The following CAPN15 variants were observed in gnomAD, a reference collection of about 807,000 sequenced individuals.
CAPN15 encodes calpain 15.
Under a neutral mutation model 97.9 loss-of-function variants are expected in CAPN15, and 53 were observed. The ratio of observed to expected loss-of-function variants is 0.54; its 90% confidence interval spans 0.43 to 0.68. CAPN15 has a LOEUF of 0.68. Among genes scored for constraint, CAPN15 ranks in the 30% least tolerant of loss-of-function variants. The probability of loss-of-function intolerance (pLI) is 0.00; values close to 1 mark genes in which losing one functional copy is unlikely to be tolerated. For missense variants in CAPN15, 1,592 were observed against 1,589.8 expected (o/e 1.00, Z -0.02); for synonymous variants, 922 against 722.5 (o/e 1.28, Z -4.43).
chr16:551,381 C>A lies in CAPN15; in HGVS notation c.2146C>A (p.Arg716=). 6.2e-7 allele frequency: 1 copy of A among 1,610,540 alleles called. No homozygotes were observed. The highest frequency in any genetic ancestry group is 8.5e-7 in the Non-Finnish European group (1 of 1,178,878). ...CTACGAGAGCCTGGGCCTGCGCCCC[C>A]GGCATGCCTACTCCATCCTGGATGT... ...SAYESLGLRP[R]HAYSILDVRD... Residue 716 remains arginine (R), a synonymous_variant, in exon 8 of 14, where the codon CGG becomes AGG. Transcript: ENST00000219611.
At position 547,823 on chromosome 16, in the gene CAPN15, G is replaced by A. The variant is rs1230274628; in HGVS notation, c.985G>A (p.Val329Met). The change falls in exon 4 of 14, where the codon GTG becomes ATG. Residue 329 changes from valine (V) to methionine (M), a missense_variant. Transcript: ENST00000219611. ...CATCATTGACCTGGCCGGAGACACC[G>A]TGCGTTACACGCCCGCCAGCCCCTC... ...SDIIDLAGDT[V>M]RYTPASPSSP... The A allele has an allele frequency of 1.9e-6, 3 of 1,611,252 alleles. No homozygotes were observed. Among genetic ancestry groups the A allele is most frequent in the African/African-American group, 2.7e-5 (2 of 74,900 alleles).
In CAPN15 at chr16:553,872, G is replaced by C. The variant is rs556472699; in HGVS notation, c.*356G>C. 2.7e-5 allele frequency: 6 copies of C among 222,790 alleles called. No individual in the cohort carries two copies. The South Asian group carries it at 6.0e-4, about 22-fold the overall frequency. The allele number at this position is 222,790 out of a possible 1,614,324, so 13.8% of individuals were successfully genotyped here. On this transcript the variant is annotated 3_prime_UTR_variant, in exon 14 of 14. Coordinates refer to ENST00000219611, the MANE Select transcript of CAPN15 (RefSeq NM_005632.3). ...GGCTAGGCAGCCAGGAGCTCTGTCC[G>C]CAAAACCAAATCTGGGTGTCAGAGG...
intron 3 of CAPN15, chr16:540,397 G>T (rs186585224): frequency 1.6e-5 from 16 of 978,122 alleles, no homozygotes; most frequent in African/African-American, 3.5e-5. Context: ...GGGTGGCCCC[G>T]GAGGGCTCCC....
intron 7 of CAPN15, among the ~76,000 whole-genome samples, chr16:550,793 G>GC (rs1280755495): frequency 1.7e-4 from 8 of 45,946 alleles, no homozygotes; most frequent in South Asian, 6.6e-4. Flanking sequence ...GTCGGTGAGG[G>GC]TCCCGGTCGG....
intron 3 of CAPN15, chr16:537,084 A>C: frequency 1.0e-6 from 1 of 962,360 alleles, no homozygotes; most frequent in Non-Finnish European, 1.2e-6. Context: ...AGGGCTTAAC[A>C]GAGCCAGCTG....
intron 9 of CAPN15, 62 bp from the exon 10 acceptor site, chr16:551,989 C>T (rs1024628265): frequency 7.0e-5 from 105 of 1,502,882 alleles, no homozygotes; most frequent in East Asian, 2.0e-4. Context: ...TTGCGGTAGG[C>T]GCTGAGCCAC....
Position 553,416 on chromosome 16 carries a change from C to T in CAPN15, c.3161C>T (p.Ala1054Val), listed in dbSNP as rs1374379390. ...ACCCACCGCCTGGCACATCGCAAGG[C>T]AGCCCAGGCCTTCCTCAGTGACTGG... The part of the protein sequence containing the change: ...SITHRLAHRK[A>V]AQAFLSDWTA... The change falls in exon 14 of 14, where the codon GCA becomes GTA. Residue 1054 changes from alanine to valine, a missense_variant. Physicochemically the swap from Ala to Val is moderately conservative, Grantham distance 64. Transcript: ENST00000219611. 1.2e-6 allele frequency: 2 copies of T among 1,610,994 alleles called. No homozygotes were observed. Among genetic ancestry groups the T allele is most frequent in the African/African-American group, 1.3e-5 (1 of 74,464 alleles).
In CAPN15 at chr16:549,108, A is replaced by G. The variant is rs781089173; in HGVS notation, c.1565A>G (p.Asn522Ser). The G allele has an allele frequency of 6.2e-7, 1 of 1,612,484 alleles. No individual in the cohort carries two copies. Among genetic ancestry groups the G allele is most frequent in the East Asian group, 2.2e-5 (1 of 44,876 alleles). The change falls in exon 5 of 14, where the codon AAC (asparagine) becomes AGC (serine). Residue 522 changes from asparagine to serine, a missense_variant. Around this residue, in one of 3 missense-constraint regions of CAPN15, gnomAD observed 883 missense variants for 776.6 expected, o/e 1.14. Transcript: ENST00000219611. ...VRQWLRPQEINCSVFRDHRAT... is the reference protein window; with the variant it reads ...VRQWLRPQEISCSVFRDHRAT... The stretch of plus-strand genomic sequence containing the variant: ...CAGTGGCTGCGACCCCAGGAGATCA[A>G]CTGCTCCGTCTTCAGGGACCACAGG...
intron 3 of CAPN15, among the ~76,000 whole-genome samples, chr16:536,510 C>T (rs559921911): frequency 2.8e-3 from 426 of 152,266 alleles, no homozygotes; most frequent in Non-Finnish European, 4.8e-3. Flanking sequence ...GCAACCTCCG[C>T]CTCCCGGATT....
intron 1 of CAPN15, among the ~76,000 whole-genome samples, chr16:533,457 C>T (rs781780868): frequency 5.9e-5 from 9 of 152,194 alleles, no homozygotes; most frequent in East Asian, 1.9e-4. Context: ...GGCTGGGGTC[C>T]GGGGGAGTCT....
chr16:547,075 C>T lies in CAPN15; in HGVS notation c.237C>T (p.Phe79=), dbSNP rs1283410766. The T allele has an allele frequency of 6.3e-7, 1 of 1,598,780 alleles. No homozygotes were observed. Among genetic ancestry groups the T allele is most frequent in the Non-Finnish European group, 8.5e-7 (1 of 1,174,536 alleles). Residue 79 remains phenylalanine, a synonymous_variant, in exon 4 of 14, where the codon TTC becomes TTT. Coordinates refer to ENST00000219611, the MANE Select transcript of CAPN15 (RefSeq NM_005632.3). ...FTPEPAPGAA[F]LPVLNGVLPK... Reference sequence around the variant, plus strand: ...CGGAGCCTGCGCCTGGGGCTGCCTTCCTGCCAGTCCTCAACGGGGTCCTCC... The same window carrying T: ...CGGAGCCTGCGCCTGGGGCTGCCTTTCTGCCAGTCCTCAACGGGGTCCTCC...
chr16:551,065 G>T, intron 7 of CAPN15, among the ~76,000 whole-genome samples: 1 of 129,990 alleles, frequency 7.7e-6, no homozygotes, highest in Non-Finnish European at 1.6e-5. Flanking sequence ...GTCCCCGGTC[G>T]GTGAGGTCCC....
chr16:543,805 C>T lies in CAPN15; in HGVS notation c.-22-3012C>T, dbSNP rs553758669. Among the ~76,000 whole-genome samples, 8 of 152,288 alleles carry T rather than the reference C, an allele frequency of 5.3e-5. No individual in the cohort carries two copies. The South Asian group carries it at 8.3e-4, about 16-fold the overall frequency. On this transcript the variant is annotated intron_variant, in intron 3 of 13. Transcript: ENST00000219611. ...GCGCCGGGACTGGGGAGGGTCAGCGCGACAGCCCTGGCGTTTACTGAAGAG... is the reference window on the plus strand; with the variant it reads ...GCGCCGGGACTGGGGAGGGTCAGCGTGACAGCCCTGGCGTTTACTGAAGAG...
intron 3 of CAPN15, chr16:537,002 G>T: frequency 2.5e-6 from 1 of 400,888 alleles, no homozygotes; most frequent in Non-Finnish European, 3.4e-6. Context: ...TGACTCCTCT[G>T]GCAGCGGATC....
chr16:531,016 C>T (rs2033210436), intron 1 of CAPN15, among the ~76,000 whole-genome samples: 1 of 152,242 alleles, frequency 6.6e-6, no homozygotes, highest in Non-Finnish European at 1.5e-5. Context: ...GGTTGCCATC[C>T]CCGCCTCCCT....
intron 3 of CAPN15, among the ~76,000 whole-genome samples, chr16:546,127 G>A (rs551137053): frequency 2.9e-4 from 44 of 152,360 alleles, no homozygotes; most frequent in Non-Finnish European, 1.9e-4. Context: ...CCCTCGCCAC[G>A]CGGGGCTGAG....
In CAPN15 at chr16:535,126, C is replaced by T. The variant is rs2033614177; in HGVS notation, c.-136-903C>T. Among the ~76,000 whole-genome samples the T allele has an allele frequency of 6.6e-6, 1 of 152,154 alleles. No homozygotes were observed. Among genetic ancestry groups the T allele is most frequent in the African/African-American group, 2.4e-5 (1 of 41,424 alleles). On this transcript the variant is annotated intron_variant, in intron 2 of 13. Coordinates refer to ENST00000219611, the MANE Select transcript of CAPN15 (RefSeq NM_005632.3). This position sits in a 1 kb window ranked among gnomAD's most constrained non-coding sequence, Gnocchi z 6.2. ...AGCTCCCCAGGTAGGGACGCTGACC[C>T]CGGGAGGTGCCTTTGCCTGCATCCA...
chr16:543,810 G>A (rs992911734), intron 3 of CAPN15, among the ~76,000 whole-genome samples: 2 of 152,168 alleles, frequency 1.3e-5, no homozygotes, highest in Admixed American at 1.3e-4. Context: ...CAGCGCGACA[G>A]CCCTGGCGTT....
At chr16:542,288 A>G (rs1272281702) in intron 3 of CAPN15, among the ~76,000 whole-genome samples, 1 of 150,054 alleles carries the variant, frequency 6.7e-6, no homozygotes, top group Non-Finnish European at 1.5e-5. Context: ...TTTATCTTGC[A>G]TAGATACCTA....
Sources: allele counts gnomAD v4.1 joint callset (sites outside exome capture counted in the v4.1 genomes callset), GRCh38; gene constraint gnomAD v4.1.1; regional missense constraint gnomAD v4.1.1; non-coding constraint Gnocchi (gnomAD v3.1); transcripts MANE v1.5; gene names NCBI Gene and HGNC (gene_info 2026-07-23, HGNC 2026-07-21).